Variants in KCNH7 observed in about 807,000 individuals in gnomAD.
KCNH7 encodes the protein potassium voltage-gated channel subfamily H member 7, also known as voltage-gated inwardly rectifying potassium channel KCNH7.
In KCNH7, 49 loss-of-function variants were observed where a neutral mutation model predicts 120.8. The ratio of observed to expected loss-of-function variants is 0.41; its 90% CI spans 0.32 to 0.51. The LOEUF is 0.51. Ranked by LOEUF, KCNH7 falls within the 20% of genes least tolerant of loss-of-function variation. The probability of loss-of-function intolerance (pLI) is 0.38; values close to 1 mark genes in which losing one functional copy is unlikely to be tolerated. For synonymous variants in KCNH7, 547 were observed against 516.1 expected (o/e 1.06, Z -0.81); for missense variants, 1,097 against 1,446.6 (o/e 0.76, Z 3.92).
intron 2 of KCNH7, among the ~76,000 whole-genome samples, 183 bp from the exon 3 acceptor site, chr2:162,537,263 T>G (rs1294358615): frequency 6.6e-6 from 1 of 152,086 alleles, no homozygotes. Context: ...AAAATACATA[T>G]GTCTTTCCAG....
intron 2 of KCNH7, among the ~76,000 whole-genome samples, chr2:162,790,970 A>G (rs1683916319): frequency 6.6e-6 from 1 of 152,092 alleles, no homozygotes; most frequent in Non-Finnish European, 1.5e-5. Flanking sequence ...TCTTAGCTGA[A>G]AATATTAGGC....
chr2:162,509,455 A>G (rs1485299249), intron 5 of KCNH7, among the ~76,000 whole-genome samples: 2 of 151,662 alleles, frequency 1.3e-5, no homozygotes, highest in Non-Finnish European at 3.0e-5. Context: ...CTAAAGTTTA[A>G]TAAAACCCAA....
intron 5 of KCNH7, among the ~76,000 whole-genome samples, chr2:162,510,471 T>C (rs1212979664): frequency 6.6e-6 from 1 of 151,512 alleles, no homozygotes; most frequent in Non-Finnish European, 1.5e-5. Flanking sequence ...CCGAGAAAGT[T>C]AAAGAATGGC....
chr2:162,433,054 G>A (rs764516661), intron 8 of KCNH7, among the ~76,000 whole-genome samples: 16 of 151,744 alleles, frequency 1.1e-4, no homozygotes, highest in Non-Finnish European at 2.1e-4. Context: ...ATAAAATAGC[G>A]GGGAATACAT....
chr2:162,808,440 G>A (rs2105561576), intron 2 of KCNH7, among the ~76,000 whole-genome samples: 1 of 152,238 alleles, frequency 6.6e-6, no homozygotes, highest in Admixed American at 6.5e-5. Flanking sequence ...TGTGGAGCAG[G>A]ACTGAGCTTC....
chr2:162,631,664 G>T (rs1173469956), intron 2 of KCNH7, among the ~76,000 whole-genome samples: 1 of 151,878 alleles, frequency 6.6e-6, no homozygotes, highest in Non-Finnish European at 1.5e-5. Context: ...CACTCAAAAA[G>T]TATCTGAAAC....
chr2:162,611,841 C>A (rs1682977193), intron 2 of KCNH7, among the ~76,000 whole-genome samples: 1 of 152,094 alleles, frequency 6.6e-6, no homozygotes, highest in African/African-American at 2.4e-5. Context: ...CTGACTCTTA[C>A]CCCATATGAC....
intron 12 of KCNH7, among the ~76,000 whole-genome samples, chr2:162,386,389 C>T (rs1686572494): frequency 6.6e-6 from 1 of 151,808 alleles, no homozygotes. Context: ...ACATTCTCTA[C>T]TTTTTGAACA....
Position 162,712,389 on chromosome 2 carries a change from G to T in KCNH7, c.307+124148C>A, listed in dbSNP as rs144451893. 2.1e-3 allele frequency among the ~76,000 whole-genome samples: 314 copies of T among 152,080 alleles called. 1 individual carries two copies. The highest frequency in any genetic ancestry group is 3.9e-3 in the Non-Finnish European group (264 of 67,998). On this transcript the variant is annotated intron_variant, in intron 2 of 15. Coordinates refer to ENST00000332142, the MANE Select transcript of KCNH7 (RefSeq NM_033272.4). The stretch of plus-strand genomic sequence containing the variant: ...CCTAACTCAATAAAGTTGTTCTCTG[G>T]CACTGGCAGAGTGCTCTCCAAGAGT...
chr2:162,705,942 A>G lies in KCNH7; in HGVS notation c.307+130595T>C, dbSNP rs555808635. Among the ~76,000 whole-genome samples, 7 of 152,290 alleles carry G rather than the reference A, an allele frequency of 4.6e-5. No homozygotes were observed. The South Asian group carries it at 1.5e-3, about 32-fold the overall frequency. ...CATGATTCAATAAAATTAGAATATC[A>G]GAAAGAAAACACATTCTACACAAAT... On this transcript the variant is annotated intron_variant, in intron 2 of 15. Coordinates refer to ENST00000332142, the MANE Select transcript of KCNH7 (RefSeq NM_033272.4).
intron 6 of KCNH7, among the ~76,000 whole-genome samples, chr2:162,472,622 C>T (rs1039556233): frequency 6.6e-6 from 1 of 152,166 alleles, no homozygotes; most frequent in African/African-American, 2.4e-5. Context: ...GAAATAGGAA[C>T]ACTTTTACAC....
chr2:162,804,825 A>T (rs2105551811), intron 2 of KCNH7, among the ~76,000 whole-genome samples: 1 of 151,986 alleles, frequency 6.6e-6, no homozygotes, highest in South Asian at 2.1e-4. Flanking sequence ...CACATCTGGA[A>T]GCACCTCATT....
At chr2:162,530,710 G>A (rs144804264) in intron 3 of KCNH7, among the ~76,000 whole-genome samples, 1 of 152,020 alleles carries the variant, frequency 6.6e-6, no homozygotes, top group African/African-American at 2.4e-5. Context: ...AGGTGCATCA[G>A]AATTTTTTAT....
At chr2:162,680,145 A>T (rs1383752451) in intron 2 of KCNH7, among the ~76,000 whole-genome samples, 1 of 151,546 alleles carries the variant, frequency 6.6e-6, no homozygotes, top group Non-Finnish European at 1.5e-5. Context: ...AGCAATTTTT[A>T]CTAGAACAGT....
chr2:162,478,397 C>T (rs897620320), intron 6 of KCNH7, among the ~76,000 whole-genome samples: 10 of 152,142 alleles, frequency 6.6e-5, no homozygotes, highest in Non-Finnish European at 1.5e-4. Flanking sequence ...CATGTATTAC[C>T]TCAGTGATGA....
intron 2 of KCNH7, among the ~76,000 whole-genome samples, chr2:162,655,115 G>C (rs139389096): frequency 6.6e-6 from 1 of 152,236 alleles, no homozygotes; most frequent in East Asian, 1.9e-4. Flanking sequence ...AAATTGCTAA[G>C]AGAGTAGATT....
intron 2 of KCNH7, among the ~76,000 whole-genome samples, chr2:162,748,125 T>G (rs780051842): frequency 6.6e-6 from 1 of 152,226 alleles, no homozygotes; most frequent in Non-Finnish European, 1.5e-5. Context: ...TTATGTAGAC[T>G]TACTTGCAGA....
intron 2 of KCNH7, among the ~76,000 whole-genome samples, chr2:162,715,229 T>C (rs144130377): frequency 2.6e-5 from 4 of 152,296 alleles, no homozygotes; most frequent in African/African-American, 7.2e-5. Flanking sequence ...CTTACAATCA[T>C]GGCAGAAAGT....
intron 9 of KCNH7, among the ~76,000 whole-genome samples, chr2:162,411,414 A>G (rs958349262): frequency 1.3e-5 from 2 of 152,086 alleles, no homozygotes; most frequent in African/African-American, 4.8e-5. Context: ...CATTGAATAC[A>G]CATGGACATA....
Sources: gnomAD v4.1 joint callset for allele counts (sites outside exome capture counted in the v4.1 genomes callset) on GRCh38, gnomAD v4.1.1 for gene constraint, MANE v1.5 for transcripts, NCBI Gene and HGNC (gene_info 2026-07-23, HGNC 2026-07-21) for gene names.